EPHA7: variants seen among roughly 807,000 people sequenced by gnomAD.
EPHA7 encodes the protein ephrin type-A receptor 7.
In EPHA7, 25 loss-of-function variants were observed where a neutral mutation model predicts 112.6. The ratio of observed to expected loss-of-function variants is 0.22; its 90% confidence interval spans 0.16 to 0.31. The LOEUF is 0.31. Among genes scored for constraint, EPHA7 ranks in the 10% least tolerant of loss-of-function variants. The pLI is 1.00. For synonymous variants in EPHA7, 437 were observed against 406.5 expected, an observed-to-expected ratio of 1.07 and a Z score of -0.90; for missense variants, 962 against 1,212.6, an observed-to-expected ratio of 0.79 and a Z score of 3.07.
chr6:93,258,771 G>A (rs1178741150), intron 10 of EPHA7, among the ~76,000 whole-genome samples: 1 of 150,226 alleles, frequency 6.7e-6, no homozygotes, highest in Non-Finnish European at 1.5e-5. Flanking sequence ...TTTTAATTTT[G>A]AGAAGAAAAT....
chr6:93,386,421 T>C (rs564297082), intron 3 of EPHA7, among the ~76,000 whole-genome samples: 15 of 152,278 alleles, frequency 9.9e-5, no homozygotes, highest in Middle Eastern at 6.8e-3. Context: ...CAAAATGATC[T>C]CTTTTGACTC....
chr6:93,283,214 G>A (rs1771860609), intron 5 of EPHA7, among the ~76,000 whole-genome samples: 1 of 152,084 alleles, frequency 6.6e-6, no homozygotes, highest in South Asian at 2.1e-4. Context: ...TACACCAATT[G>A]ACACTCTGTA....
intron 5 of EPHA7, among the ~76,000 whole-genome samples, chr6:93,286,749 G>C (rs1197705437): frequency 6.6e-6 from 1 of 152,090 alleles, no homozygotes; most frequent in Non-Finnish European, 1.5e-5. Flanking sequence ...AAGGTAGCAG[G>C]TGAGAAAAAT....
chr6:93,410,841 C>T lies in EPHA7; in HGVS notation c.492G>A (p.Lys164=). The T allele has an allele frequency of 6.2e-7, 1 of 1,613,986 alleles. No individual in the cohort carries two copies. The highest frequency in any genetic ancestry group is 8.5e-7 in the Non-Finnish European group (1 of 1,179,950). ...CTCTCACCTCAGTGTTAAGCTTCAT[C>T]TTTCTTTCACCAAGGTCACCTTGGG... is the stretch of plus-strand genomic sequence containing the variant. ...SFTQGDLGER[K]MKLNTEVREI... Residue 164 remains lysine (K), a synonymous_variant, in exon 3 of 17, where the codon AAG becomes AAA. Coordinates refer to ENST00000369303, the MANE Select transcript of EPHA7 (RefSeq NM_004440.4). This position sits in a 1 kb window ranked among gnomAD's most constrained non-coding sequence, Gnocchi z 4.0.
At chr6:93,259,859 GTCAA>G (rs765910091) in intron 9 of EPHA7, among the ~76,000 whole-genome samples, 3 of 151,980 alleles carry the variant, frequency 2.0e-5, no homozygotes, top group Non-Finnish European at 4.4e-5. Context: ...CTACCAGTCA[GTCAA>G]TCAATCAAAT....
In EPHA7 at chr6:93,243,329, G is replaced by T; in HGVS notation, c.*97C>A. 2 of 860,060 alleles carry T rather than the reference G, an allele frequency of 2.3e-6. No individual in the cohort carries two copies. The highest frequency in any genetic ancestry group is 3.7e-6 in the Non-Finnish European group (2 of 537,434). 53.3% of individuals were successfully genotyped at this position (860,060 alleles called of 1,614,324 possible). A position where few individuals can be genotyped will look rare whatever the true frequency, so the allele number is the denominator to read the frequency against. Reference sequence around the variant, plus strand: ...TCTCTTCACTGTTGGAAGGACCCAGGACATCACTTGTCTTCTAGCAGCATT... The same window carrying T: ...TCTCTTCACTGTTGGAAGGACCCAGTACATCACTTGTCTTCTAGCAGCATT... On this transcript the variant is annotated 3_prime_UTR_variant, in exon 17 of 17. Transcript: ENST00000369303.
rs144393724 is a variant in EPHA7 at position 93,253,891 on chromosome 6, G to A, written c.2532+756C>T. Among the ~76,000 whole-genome samples, 402 of 151,946 alleles carry A rather than the reference G, an allele frequency of 2.6e-3. 1 individual carries two copies. Among genetic ancestry groups the A allele is most frequent in the African/African-American group, 9.0e-3 (375 of 41,478 alleles). ...ATAAGTGCTCTTGGCCTACAAAATG[G>A]CCATTTTAACAAACTCAACCTAATA... On this transcript the variant is annotated intron_variant, in intron 14 of 16. Coordinates refer to ENST00000369303, the MANE Select transcript of EPHA7 (RefSeq NM_004440.4).
At chr6:93,250,210 G>A (rs1313275838) in intron 14 of EPHA7, among the ~76,000 whole-genome samples, 1 of 152,038 alleles carries the variant, frequency 6.6e-6, no homozygotes, top group East Asian at 1.9e-4. Context: ...GAGCAGTTTG[G>A]CATAATCCAA....
At position 93,255,822 on chromosome 6, in the gene EPHA7, T is replaced by C. The variant is rs1770417393; in HGVS notation, c.2382+6A>G. ...TGAAGAAGTGCAGTAAATGACTTTT[T>C]CTTACAGTAGTTGTATAGACAGCTT... On this transcript the variant is annotated splice_donor_region_variant and intron_variant, in intron 13 of 16. Transcript: ENST00000369303. The C allele has an allele frequency of 6.2e-7, 1 of 1,611,242 alleles. No homozygotes were observed. The highest frequency in any genetic ancestry group is 1.1e-5 in the South Asian group (1 of 90,992).
chr6:93,417,180 A>T (rs1340545434), intron 1 of EPHA7, among the ~76,000 whole-genome samples: 4 of 152,156 alleles, frequency 2.6e-5, no homozygotes, highest in Non-Finnish European at 5.9e-5. Context: ...CCAACCCGAG[A>T]GAACGTGCAC....
chr6:93,259,374 A>G lies in EPHA7; in HGVS notation c.1904T>C (p.Ile635Thr), dbSNP rs1770586549. The G allele has an allele frequency of 1.9e-6, 3 of 1,611,826 alleles. No individual in the cohort carries two copies. The highest frequency in any genetic ancestry group is 2.7e-5 in the African/African-American group (2 of 74,790). ...CTTACCTGCACCAATCACACGCTCA[A>G]TTTTAATACAGGAGGCATCTAGCTC... Reference protein sequence around the residue: ...AKELDASCIKIERVIGAGEFG... With the variant: ...AKELDASCIKTERVIGAGEFG... The change falls in exon 10 of 17, where the codon ATT becomes ACT. Residue 635 changes from isoleucine to threonine, a missense_variant. This residue lies in a region of EPHA7 where 746 missense variants were observed against 889.2 expected (regional missense o/e 0.84). Transcript: ENST00000369303.
chr6:93,391,000 A>G (rs113618232), intron 3 of EPHA7, among the ~76,000 whole-genome samples: 1 of 151,974 alleles, frequency 6.6e-6, no homozygotes, highest in African/African-American at 2.4e-5. Context: ...ACTCTCCATG[A>G]AGCACTGCAG....
chr6:93,320,037 TAAG>T (rs1773990664), intron 5 of EPHA7, among the ~76,000 whole-genome samples: 1 of 152,000 alleles, frequency 6.6e-6, no homozygotes, highest in South Asian at 2.1e-4. Context: ...AATATTATAA[TAAG>T]AAAGTATGAT....
At chr6:93,308,943 T>TTCC (rs1404655395) in intron 5 of EPHA7, among the ~76,000 whole-genome samples, 1 of 149,854 alleles carries the variant, frequency 6.7e-6, no homozygotes, top group African/African-American at 2.5e-5. Flanking sequence ...TTACAAATAA[T>TTCC]TCAAACTTTT....
intron 6 of EPHA7, among the ~76,000 whole-genome samples, chr6:93,271,020 C>T (rs888486223): frequency 2.6e-5 from 4 of 151,828 alleles, no homozygotes; most frequent in South Asian, 2.1e-4. Context: ...ACTCTTACCA[C>T]CTATGTGTTT....
chr6:93,321,725 C>A (rs1021476322), intron 5 of EPHA7, among the ~76,000 whole-genome samples: 1 of 151,868 alleles, frequency 6.6e-6, no homozygotes, highest in Non-Finnish European at 1.5e-5. Context: ...CTCCAGGTCC[C>A]TGTGGTCCAC....
rs77104447 is a variant in EPHA7 at position 93,303,649 on chromosome 6, A to G, written c.1325-31227T>C. Among the ~76,000 whole-genome samples the G allele has an allele frequency of 5.7e-3, 868 of 152,288 alleles. 14 individuals are homozygous for G. The highest frequency in any genetic ancestry group is 0.02 in the African/African-American group (834 of 41,574). On this transcript the variant is annotated intron_variant, in intron 5 of 16. Transcript: ENST00000369303. Reference sequence around the variant, plus strand: ...CATACACACAATCATATGGATCAGCATAGTATCTGCTCTGCGTTTTAAAAT... The same window carrying G: ...CATACACACAATCATATGGATCAGCGTAGTATCTGCTCTGCGTTTTAAAAT...
intron 3 of EPHA7, among the ~76,000 whole-genome samples, chr6:93,375,278 G>A (rs943778217): frequency 2.6e-5 from 4 of 151,912 alleles, no homozygotes; most frequent in African/African-American, 9.7e-5. Flanking sequence ...TGTGTAACTT[G>A]AAATGTAAAA....
At position 93,358,289 on chromosome 6, in the gene EPHA7, C is replaced by T. The variant is rs138876328; in HGVS notation, c.955G>A (p.Ala319Thr). 5 of 1,611,890 alleles carry T rather than the reference C, an allele frequency of 3.1e-6. No individual in the cohort carries two copies. The highest frequency in any genetic ancestry group is 1.3e-5 in the African/African-American group (1 of 74,880). The change falls in exon 4 of 17, where the codon GCT (alanine) becomes ACT (threonine). Residue 319 changes from alanine to threonine, a missense_variant. Ala to Thr is a moderately conservative substitution (Grantham distance 58, BLOSUM62 0). Around this residue, in one of 3 missense-constraint regions of EPHA7, gnomAD observed 746 missense variants for 889.2 expected, o/e 0.84. Coordinates refer to ENST00000369303, the MANE Select transcript of EPHA7 (RefSeq NM_004440.4). ...RCECEDGYYRAPSDPPYVACT... is the reference protein window; with the variant it reads ...RCECEDGYYRTPSDPPYVACT... ...GCAACGTATGGTGGGTCAGATGGAG[C>T]CCTGTAATACCCATCTTCACATTCA...
Sources: gnomAD v4.1 joint callset for allele counts (sites outside exome capture counted in the v4.1 genomes callset) on GRCh38, gnomAD v4.1.1 for gene constraint, gnomAD v4.1.1 regional missense constraint, Gnocchi (gnomAD v3.1) non-coding constraint, MANE v1.5 for transcripts, NCBI Gene and HGNC (gene_info 2026-07-23, HGNC 2026-07-21) for gene names.